Variants in GLG1 observed in about 807,000 individuals in gnomAD.
GLG1 encodes the protein Golgi apparatus protein 1.
GLG1 carries 38 observed loss-of-function variants against 160.5 expected under a neutral mutation model. That is an observed-to-expected ratio of 0.24 (90% CI 0.18 to 0.31). The LOEUF (loss-of-function observed/expected upper bound fraction) is 0.31, where lower values mean the gene tolerates loss of function less well. Ranked by LOEUF, GLG1 falls within the 10% of genes least tolerant of loss-of-function variation. The probability of loss-of-function intolerance (pLI) is 1.00; values close to 1 mark genes in which losing one functional copy is unlikely to be tolerated. For synonymous variants in GLG1, 644 were observed against 543.4 expected, an observed-to-expected ratio of 1.19 and a Z score of -2.57; for missense variants, 1,373 against 1,505.2, an observed-to-expected ratio of 0.91 and a Z score of 1.45.
intron 2 of GLG1, among the ~76,000 whole-genome samples, chr16:74,525,803 G>C (rs1222018766): frequency 6.7e-6 from 1 of 150,130 alleles, no homozygotes; most frequent in Non-Finnish European, 1.5e-5. Context: ...CATTGTATAG[G>C]CTGCCATTCA....
intron 8 of GLG1, among the ~76,000 whole-genome samples, chr16:74,486,518 T>C (rs546416564): frequency 6.6e-6 from 1 of 152,364 alleles, no homozygotes; most frequent in African/African-American, 2.4e-5. Flanking sequence ...AGCTTGCTCA[T>C]TCTAAGTACA....
chr16:74,471,547 G>A (rs1000756104), intron 14 of GLG1, among the ~76,000 whole-genome samples: 1 of 152,044 alleles, frequency 6.6e-6, no homozygotes, highest in African/African-American at 2.4e-5. Flanking sequence ...TGGCTTTTGG[G>A]ACAATATCTA....
At chr16:74,531,992 T>C (rs1178788137) in intron 2 of GLG1, 129 bp downstream of exon 2, 6 of 434,230 alleles carry the variant, frequency 1.4e-5, no homozygotes, top group Non-Finnish European at 2.1e-5. Context: ...ATCCTTAAAG[T>C]TTGTCATCCT....
chr16:74,545,196 G>C (rs397833755), intron 1 of GLG1, among the ~76,000 whole-genome samples: 179 of 152,116 alleles, frequency 1.2e-3, no homozygotes, highest in Non-Finnish European at 2.0e-3. Flanking sequence ...TCTTGTTTTT[G>C]TTGAGACAGG....
chr16:74,469,355 C>A, intron 16 of GLG1: 1 of 429,252 alleles, frequency 2.3e-6, no homozygotes, highest in Non-Finnish European at 4.3e-6. Context: ...AAACATGTGA[C>A]CACAGAGGAA....
chr16:74,472,802 C>T, intron 13 of GLG1: 2 of 354,638 alleles, frequency 5.6e-6, no homozygotes, highest in South Asian at 4.3e-5. Context: ...TAAGCCAGAG[C>T]ACTGCCCTCA....
chr16:74,506,355 G>C (rs940887223), intron 3 of GLG1, among the ~76,000 whole-genome samples: 10 of 151,460 alleles, frequency 6.6e-5, no homozygotes, highest in African/African-American at 2.2e-4. Flanking sequence ...CAGGCGGGCG[G>C]ATCACGAGGT....
chr16:74,576,015 T>C (rs546495855), intron 1 of GLG1, among the ~76,000 whole-genome samples: 64 of 152,090 alleles, frequency 4.2e-4, no homozygotes, highest in Middle Eastern at 6.8e-3. Context: ...GTCTGGCCAA[T>C]GTGGTGAAAC....
At chr16:74,524,226 TA>T (rs1363697657) in intron 2 of GLG1, among the ~76,000 whole-genome samples, 2 of 151,840 alleles carry the variant, frequency 1.3e-5, no homozygotes, top group Admixed American at 6.6e-5. Context: ...AAAAAAAGAA[TA>T]AAAAAAATGA....
intron 1 of GLG1, among the ~76,000 whole-genome samples, chr16:74,591,489 G>C (rs1351851018): frequency 6.6e-6 from 1 of 151,810 alleles, no homozygotes; most frequent in African/African-American, 2.4e-5. Flanking sequence ...ATAGCTCTGC[G>C]TGGTGGCGGG....
chr16:74,483,432 C>A (rs2015677302), intron 9 of GLG1, among the ~76,000 whole-genome samples: 1 of 152,166 alleles, frequency 6.6e-6, no homozygotes, highest in Non-Finnish European at 1.5e-5. Flanking sequence ...CACCTTCCCT[C>A]CCCATAACTT....
intron 1 of GLG1, among the ~76,000 whole-genome samples, chr16:74,562,196 G>T (rs1267263435): frequency 6.6e-6 from 1 of 152,238 alleles, no homozygotes; most frequent in Non-Finnish European, 1.5e-5. Context: ...AAACAGTTAA[G>T]TAAGGTATTA....
chr16:74,549,564 G>T (rs1053483403), intron 1 of GLG1, among the ~76,000 whole-genome samples: 2 of 152,196 alleles, frequency 1.3e-5, no homozygotes, highest in African/African-American at 4.8e-5. Flanking sequence ...AAGATTACAG[G>T]CGTGAGCCGC....
chr16:74,593,581 T>C (rs1031139370), intron 1 of GLG1, among the ~76,000 whole-genome samples: 10 of 151,656 alleles, frequency 6.6e-5, no homozygotes, highest in African/African-American at 2.4e-4. Context: ...ATTACAGGCA[T>C]GTGTGACCAT....
At chr16:74,506,597 A>AAAAAAAAAAAAAAAAAAAAAAAAAAAG (rs2016616602) in intron 3 of GLG1, among the ~76,000 whole-genome samples, 1 of 149,122 alleles carries the variant, frequency 6.7e-6, no homozygotes, top group Non-Finnish European at 1.5e-5. Flanking sequence ...AAAAAAAAAA[A>AAAAAAAAAAAAAAAAAAAAAAAAAAAG]AAAAAAACTC....
chr16:74,462,764 C>T, intron 20 of GLG1, 134 bp from the exon 21 acceptor site: 1 of 799,702 alleles, frequency 1.3e-6, no homozygotes, highest in Non-Finnish European at 2.1e-6. Context: ...ATTCAATAAA[C>T]ATTTACTGAG....
chr16:74,506,462 G>C (rs1009000668), intron 3 of GLG1, among the ~76,000 whole-genome samples: 1 of 151,284 alleles, frequency 6.6e-6, no homozygotes, highest in Non-Finnish European at 1.5e-5. Flanking sequence ...GGTGCCTGTA[G>C]TCCCAGCTAC....
chr16:74,465,796 T>C lies in GLG1; in HGVS notation c.2547A>G (p.Lys849=), dbSNP rs2014978907. The C allele has an allele frequency of 3.7e-6, 6 of 1,613,910 alleles. No homozygotes were observed. Among genetic ancestry groups the C allele is most frequent in the Non-Finnish European group, 5.1e-6 (6 of 1,179,816 alleles). Residue 849 remains lysine (K), a synonymous_variant, in exon 19 of 26, where the codon AAA becomes AAG. Transcript: ENST00000422840. The stretch of plus-strand genomic sequence containing the variant: ...GGGTGCTTAGCTGCTTCTTGTTTTC[T>C]TTCAGACATTCGATAATCTATGGCA... ...YGNAQIIECL[K]ENKKQLSTRC...
At chr16:74,591,541 T>G (rs965962898) in intron 1 of GLG1, among the ~76,000 whole-genome samples, 1 of 151,572 alleles carries the variant, frequency 6.6e-6, no homozygotes. Flanking sequence ...GGCAGGAGAA[T>G]GGCCTGAACC....
Sources: allele counts gnomAD v4.1 joint callset (sites outside exome capture counted in the v4.1 genomes callset), GRCh38; gene constraint gnomAD v4.1.1; transcripts MANE v1.5; gene names NCBI Gene and HGNC (gene_info 2026-07-23, HGNC 2026-07-21).